CLCN6: variants seen among roughly 807,000 people sequenced by gnomAD.
The protein encoded by CLCN6 is Cl-/H+ antiporter 6.
CLCN6 carries 70 observed loss-of-function variants against 109.8 expected under a neutral mutation model. The observed-to-expected ratio is 0.64, with a 90% CI of 0.53 to 0.78. The LOEUF is 0.78. CLCN6 is among the 30% of genes least tolerant of loss of function. The pLI is 0.00. For synonymous variants in CLCN6, 444 were observed against 447.8 expected (o/e 0.99, Z 0.11); for missense variants, 984 against 1,142.3 (o/e 0.86, Z 2.00).
chr1:11,806,752 C>A lies in CLCN6; in HGVS notation c.88-379C>A, dbSNP rs1013844912. 9.9e-5 allele frequency: 35 copies of A among 355,224 alleles called. No individual in the cohort carries two copies. In the South Asian group the frequency reaches 1.7e-3, roughly 17 times the overall value. 22.0% of individuals were successfully genotyped at this position (355,224 alleles called of 1,614,324 possible). On this transcript the variant is annotated intron_variant, in intron 1 of 22. Coordinates refer to ENST00000346436, the MANE Select transcript of CLCN6 (RefSeq NM_001286.5). ...TTCTGGGTCACTGACAGTCCAGCTT[C>A]CCCCTGCAAAGCATCCTGGGAAAAC... is the stretch of plus-strand genomic sequence containing the variant.
Position 11,840,094 on chromosome 1 carries a change from G to A in CLCN6, c.2530-49G>A, listed in dbSNP as rs201875274. ...GCCGGCTCCTGTCACTCCTGTTCTC[G>A]CCAGCGGGTTTTACCCTGAAGGTGA... is the stretch of plus-strand genomic sequence containing the variant. On this transcript the variant is annotated intron_variant, in intron 22 of 22. Coordinates refer to ENST00000346436, the MANE Select transcript of CLCN6 (RefSeq NM_001286.5). 1.5e-3 allele frequency: 2,230 copies of A among 1,507,382 alleles called. 35 individuals are homozygous for A. Among genetic ancestry groups the A allele is most frequent in the Non-Finnish European group, 2.0e-4 (212 of 1,083,406 alleles). The allele number at this position is 1,507,382 out of a possible 1,614,324, so 93.4% of individuals were successfully genotyped here. A position where few individuals can be genotyped will look rare whatever the true frequency, so the allele number is the denominator to read the frequency against.
intron 19 of CLCN6, 42 bp from the exon 20 acceptor site, chr1:11,837,301 C>T (rs201921832): frequency 4.1e-5 from 66 of 1,596,538 alleles, no homozygotes; most frequent in East Asian, 2.2e-4. Flanking sequence ...GAAGCGCTCC[C>T]GCTGAGGGTA....
intron 4 of CLCN6, among the ~76,000 whole-genome samples, chr1:11,817,329 C>G (rs1326898197): frequency 1.3e-5 from 2 of 152,194 alleles, no homozygotes; most frequent in African/African-American, 4.8e-5. Flanking sequence ...TGCCAGTGAA[C>G]AGGGTGGCAC....
At chr1:11,812,963 T>C (rs72640251) in intron 2 of CLCN6, among the ~76,000 whole-genome samples, 14,953 of 152,172 alleles carry the variant, frequency 0.098, 787 homozygotes, top group South Asian at 0.16. Flanking sequence ...ACCTAGAGCC[T>C]GGACAAACTG....
In CLCN6 at chr1:11,838,570, C is replaced by T. The variant is rs375308661; in HGVS notation, c.2439C>T (p.Thr813=). Residue 813 remains threonine, a synonymous_variant, in exon 22 of 23, where the codon ACC becomes ACT. Coordinates refer to ENST00000346436, the MANE Select transcript of CLCN6 (RefSeq NM_001286.5). ...VTPYMNPSPF[T]VSPNTHVSQV... Reference sequence around the variant, plus strand: ...CATACATGAACCCTTCGCCTTTCACCGTCTCGCCCAACACCCACGTCTCCC... The same window carrying T: ...CATACATGAACCCTTCGCCTTTCACTGTCTCGCCCAACACCCACGTCTCCC... 2.7e-5 allele frequency: 43 copies of T among 1,612,056 alleles called. No individual in the cohort carries two copies. The highest frequency in any genetic ancestry group is 5.5e-5 in the South Asian group (5 of 91,052).
chr1:11,815,988 A>G lies in CLCN6; in HGVS notation c.213+77A>G, dbSNP rs752316823. On this transcript the variant is annotated intron_variant, in intron 3 of 22. Transcript: ENST00000346436. ...ATTTTTTTTCTCTTCTAAAGGCCCC[A>G]GTAAACATCTTTACACCTTGTTTTT... 8 of 1,064,708 alleles carry G rather than the reference A, an allele frequency of 7.5e-6. No homozygotes were observed. The East Asian group carries it at 1.7e-4, about 22-fold the overall frequency. 66.0% of individuals were successfully genotyped at this position (1,064,708 alleles called of 1,614,324 possible). A position where few individuals can be genotyped will look rare whatever the true frequency, so the allele number is the denominator to read the frequency against.
Position 11,837,420 on chromosome 1 carries a change from T to C in CLCN6, c.2216T>C (p.Leu739Pro). ...ACCATGGAGGAGCGGTTCCGCCCTC[T>C]GACCTTCCACGGCCTGATCCTTCGG... is the stretch of plus-strand genomic sequence containing the variant. ...DWTMEERFRP[L>P]TFHGLILRSQ... The change falls in exon 20 of 23, where the codon CTG (leucine) becomes CCG (proline). Residue 739 changes from leucine to proline, a missense_variant. Transcript: ENST00000346436. 1 of 1,614,226 alleles carries C rather than the reference T, an allele frequency of 6.2e-7. No individual in the cohort carries two copies. Among genetic ancestry groups the C allele is most frequent in the Non-Finnish European group, 8.5e-7 (1 of 1,180,020 alleles).
chr1:11,832,692 C>T (rs1644896592), intron 13 of CLCN6, among the ~76,000 whole-genome samples: 3 of 152,214 alleles, frequency 2.0e-5, no homozygotes, highest in Non-Finnish European at 4.4e-5. Context: ...AAACCCATAG[C>T]CTTGATTAAC....
chr1:11,810,481 G>A (rs1644583226), intron 2 of CLCN6, among the ~76,000 whole-genome samples: 1 of 152,128 alleles, frequency 6.6e-6, no homozygotes, highest in East Asian at 1.9e-4. Context: ...AGGTGGTTTT[G>A]GTGTGAACAC....
chr1:11,815,902 G>A lies in CLCN6; in HGVS notation c.204G>A (p.Met68Ile). ...CTTACCTGGAAGTTTTGGAGACCAT[G>A]GATAATAAGGTGGGTCTTACAATTC... ...NDPYLEVLET[M>I]DNKKGRRYEA... Residue 68 changes from methionine to isoleucine, a missense_variant, in exon 3 of 23, where the codon ATG (methionine) becomes ATA (isoleucine). Met to Ile is a conservative substitution (Grantham distance 10). Coordinates refer to ENST00000346436, the MANE Select transcript of CLCN6 (RefSeq NM_001286.5). 1 of 1,611,034 alleles carries A rather than the reference G, an allele frequency of 6.2e-7. No homozygotes were observed. The highest frequency in any genetic ancestry group is 1.7e-5 in the Admixed American group (1 of 60,024).
intron 5 of CLCN6, among the ~76,000 whole-genome samples, chr1:11,821,989 G>T (rs1156553080): frequency 6.6e-6 from 1 of 152,190 alleles, no homozygotes; most frequent in Non-Finnish European, 1.5e-5. Flanking sequence ...GAATATACAA[G>T]TGCCGTGTAC....
At chr1:11,818,048 GC>G (rs1440837295) in intron 4 of CLCN6, among the ~76,000 whole-genome samples, 2 of 151,910 alleles carry the variant, frequency 1.3e-5, no homozygotes, top group Non-Finnish European at 2.9e-5. Flanking sequence ...GACTGCTTGA[GC>G]CCAGGAGTTT....
At chr1:11,806,645 A>G in intron 1 of CLCN6, 1 of 421,156 alleles carries the variant, frequency 2.4e-6, no homozygotes, top group Non-Finnish European at 4.2e-6. Flanking sequence ...GCGTTTTCAG[A>G]ATGAGCTTCC....
Position 11,813,946 on chromosome 1 carries a change from A to G in CLCN6, c.148-1900A>G, listed in dbSNP as rs574165714. On this transcript the variant is annotated intron_variant, in intron 2 of 22. Transcript: ENST00000346436. ...TTTTGGAGATTTTCCATATCTTTCTATATAGACTTAACTATAATCATTTTA... is the reference window on the plus strand; with the variant it reads ...TTTTGGAGATTTTCCATATCTTTCTGTATAGACTTAACTATAATCATTTTA... Among the ~76,000 whole-genome samples, 11 of 152,250 alleles carry G rather than the reference A, an allele frequency of 7.2e-5. No individual in the cohort carries two copies. The South Asian group carries it at 1.9e-3, about 26-fold the overall frequency.
chr1:11,827,401 C>T (rs1644826799), intron 10 of CLCN6, among the ~76,000 whole-genome samples, 180 bp downstream of exon 10: 1 of 150,972 alleles, frequency 6.6e-6, no homozygotes, highest in African/African-American at 2.4e-5. Flanking sequence ...TATCAATACC[C>T]TCCCTAACCC....
At chr1:11,837,901 C>T (rs939555883) in intron 20 of CLCN6, among the ~76,000 whole-genome samples, 2 of 152,176 alleles carry the variant, frequency 1.3e-5, no homozygotes, top group Non-Finnish European at 2.9e-5. Context: ...GGATTTGGGG[C>T]CCGCCCTAAT....
At chr1:11,826,054 C>G in intron 8 of CLCN6, 102 bp from the exon 9 acceptor site, 1 of 879,712 alleles carries the variant, frequency 1.1e-6, no homozygotes, top group Non-Finnish European at 1.8e-6. Flanking sequence ...CTAGGCTGCC[C>G]CTGACCTGTG....
In CLCN6 at chr1:11,842,193, C is replaced by G. The variant is rs1038698517; in HGVS notation, c.*1970C>G. On this transcript the variant is annotated 3_prime_UTR_variant, in exon 23 of 23. Coordinates refer to ENST00000346436, the MANE Select transcript of CLCN6 (RefSeq NM_001286.5). ...CAGGAGGACCCCGGCCTCTCGAGGG[C>G]TGGATCAGCAGCCGCCTGCCCTGAG... is the stretch of plus-strand genomic sequence containing the variant. 6.6e-6 allele frequency: 1 copy of G among 152,288 alleles called. No individual in the cohort carries two copies. Among genetic ancestry groups the G allele is most frequent in the Non-Finnish European group, 1.5e-5 (1 of 68,050 alleles). The allele number at this position is 152,288 out of a possible 1,614,324, so 9.4% of individuals were successfully genotyped here. A position where few individuals can be genotyped will look rare whatever the true frequency, so the allele number is the denominator to read the frequency against.
intron 8 of CLCN6, 36 bp downstream of exon 8, chr1:11,824,589 G>T (rs1644788484): frequency 6.3e-7 from 1 of 1,582,098 alleles, no homozygotes; most frequent in Non-Finnish European, 8.6e-7. Context: ...CCTCTGGGCA[G>T]GCCTAGTGGG....
Sources: gnomAD v4.1 joint callset for allele counts (sites outside exome capture counted in the v4.1 genomes callset) on GRCh38, gnomAD v4.1.1 for gene constraint, MANE v1.5 for transcripts, NCBI Gene and HGNC (gene_info 2026-07-23, HGNC 2026-07-21) for gene names.